PPM1A: variants seen among roughly 807,000 people sequenced by gnomAD.
PPM1A encodes the protein protein phosphatase 1A.
In PPM1A, 7 loss-of-function variants were observed where a neutral mutation model predicts 35.0. The observed-to-expected ratio is 0.20, with a 90% CI of 0.11 to 0.38. The LOEUF is 0.38. Among genes scored for constraint, PPM1A ranks in the 10% least tolerant of loss-of-function variants. The pLI, the probability that PPM1A is intolerant of heterozygous loss-of-function variation, is 1.00. For synonymous variants in PPM1A, 153 were observed against 167.3 expected (o/e 0.91, Z 0.66); for missense variants, 239 against 467.8 (o/e 0.51, Z 4.51).
upstream of PPM1A, among the ~76,000 whole-genome samples, chr14:60,248,977 G>C (rs979098826): frequency 1.3e-5 from 2 of 152,136 alleles, no homozygotes; most frequent in Non-Finnish European, 2.9e-5. Context: ...GCTCCAGGCC[G>C]TAAGGCAAAG....
chr14:60,245,829 AG>A, upstream of PPM1A: 1 of 1,560,806 alleles, frequency 6.4e-7, no homozygotes. The surrounding 1 kb of genome is among the most constrained non-coding windows in gnomAD (Gnocchi z 4.2). Flanking sequence ...AAATTCATTT[AG>A]GGGCACTGTC....
upstream of PPM1A, among the ~76,000 whole-genome samples, chr14:60,247,625 C>A (rs895244752): frequency 2.8e-5 from 2 of 71,764 alleles, no homozygotes; most frequent in Admixed American, 1.8e-4. Context: ...GAGACTCTGT[C>A]TCAAAAAAAA....
chr14:60,254,930 C>G (rs1882877601), intron 1 of PPM1A, among the ~76,000 whole-genome samples: 1 of 152,164 alleles, frequency 6.6e-6, no homozygotes, highest in Non-Finnish European at 1.5e-5. Context: ...TATAACCAAA[C>G]TAGTACACTT....
intron 1 of PPM1A, among the ~76,000 whole-genome samples, chr14:60,278,166 T>C (rs1227209010): frequency 1.3e-5 from 2 of 152,196 alleles, no homozygotes; most frequent in Non-Finnish European, 2.9e-5. Flanking sequence ...CTACCTGTTA[T>C]CTCATGTAGT....
At position 60,289,242 on chromosome 14, in the gene PPM1A, GA is replaced by G. The variant is rs1887363838; in HGVS notation, c.953-562del. Among the ~76,000 whole-genome samples, 2 of 152,128 alleles carry G rather than the reference GA, an allele frequency of 1.3e-5. No individual in the cohort carries two copies. The highest frequency in any genetic ancestry group is 4.2e-4 in the South Asian group (2 of 4,816). ...TATTGTTTAAAGGTACTTTAGAGAAGAATTAAACTGAGACAGTGATGTTCAA... is the reference window on the plus strand; with the variant it reads ...TATTGTTTAAAGGTACTTTAGAGAAGATTAAACTGAGACAGTGATGTTCAA... On this transcript the variant is annotated intron_variant, in intron 3 of 5. Coordinates refer to ENST00000395076, the MANE Select transcript of PPM1A (RefSeq NM_021003.5). This position sits in a 1 kb window ranked among gnomAD's most constrained non-coding sequence, Gnocchi z 4.1.
intron 1 of PPM1A, among the ~76,000 whole-genome samples, chr14:60,261,813 C>A (rs1001225161): frequency 3.3e-5 from 5 of 152,042 alleles, no homozygotes; most frequent in Admixed American, 3.3e-4. Flanking sequence ...AGAATTGTTC[C>A]TGAGATTTTA....
At chr14:60,248,332 T>C (rs553091602), upstream of PPM1A, among the ~76,000 whole-genome samples, 8 of 152,356 alleles carry the variant, frequency 5.3e-5, no homozygotes, top group Admixed American at 2.6e-4. Context: ...ACCTACCTCA[T>C]TGGAGGTCGT....
chr14:60,255,461 G>A (rs1285389759), intron 1 of PPM1A, among the ~76,000 whole-genome samples: 2 of 152,044 alleles, frequency 1.3e-5, no homozygotes, highest in East Asian at 1.9e-4. Flanking sequence ...GTGAGCCACC[G>A]CGCCCGGCCT....
upstream of PPM1A, chr14:60,249,178 G>C: frequency 2.1e-6 from 2 of 956,872 alleles, no homozygotes; most frequent in African/African-American, 1.8e-5. The surrounding 1 kb of genome is among the most constrained non-coding windows in gnomAD (Gnocchi z 4.5). Flanking sequence ...AGGGGTGGGG[G>C]AGGGGCGACG....
At chr14:60,287,138 C>T in intron 3 of PPM1A, 2 of 943,030 alleles carry the variant, frequency 2.1e-6, no homozygotes, top group Non-Finnish European at 2.5e-6. Flanking sequence ...AATATTTTTA[C>T]TATGAAATGG....
At chr14:60,259,761 T>C (rs1025722071) in intron 1 of PPM1A, among the ~76,000 whole-genome samples, 1 of 152,106 alleles carries the variant, frequency 6.6e-6, no homozygotes, top group African/African-American at 2.4e-5. Flanking sequence ...TGTACTATAA[T>C]TGTAGTGAAA....
intron 1 of PPM1A, among the ~76,000 whole-genome samples, chr14:60,256,102 C>T (rs1473378669): frequency 1.3e-5 from 2 of 152,172 alleles, no homozygotes; most frequent in Non-Finnish European, 2.9e-5. Flanking sequence ...TCAAGCTTAT[C>T]AAAATGCTAG....
intron 1 of PPM1A, among the ~76,000 whole-genome samples, chr14:60,265,367 G>C (rs1482603402): frequency 6.6e-6 from 1 of 152,128 alleles, no homozygotes; most frequent in Non-Finnish European, 1.5e-5. Flanking sequence ...CCATGCATGG[G>C]TACCTTTTTA....
At chr14:60,272,277 A>G (rs1885220473) in intron 1 of PPM1A, among the ~76,000 whole-genome samples, 2 of 152,080 alleles carry the variant, frequency 1.3e-5, no homozygotes, top group African/African-American at 4.8e-5. Context: ...GTTTTGAAAT[A>G]TAATGAGTAG....
chr14:60,287,254 A>T (rs1887114446), intron 3 of PPM1A: 1 of 964,638 alleles, frequency 1.0e-6, no homozygotes, highest in Non-Finnish European at 1.2e-6. Context: ...TTACAATAAT[A>T]AGTTTTATAT....
chr14:60,264,599 A>G (rs1452166655), intron 1 of PPM1A, among the ~76,000 whole-genome samples: 1 of 152,190 alleles, frequency 6.6e-6, no homozygotes, highest in African/African-American at 2.4e-5. Context: ...CCTCTTTGAA[A>G]TACATTGTTG....
At chr14:60,268,855 C>T (rs1426553188) in intron 1 of PPM1A, among the ~76,000 whole-genome samples, 1 of 151,292 alleles carries the variant, frequency 6.6e-6, no homozygotes, top group Non-Finnish European at 1.5e-5. Flanking sequence ...GCAATTTCCA[C>T]GTTTGAGGTT....
At chr14:60,275,279 T>C (rs1885620423) in intron 1 of PPM1A, among the ~76,000 whole-genome samples, 1 of 151,876 alleles carries the variant, frequency 6.6e-6, no homozygotes, top group African/African-American at 2.4e-5. Flanking sequence ...ATAGCACATG[T>C]AGGAGAATTG....
At chr14:60,255,555 T>C (rs1333237036) in intron 1 of PPM1A, among the ~76,000 whole-genome samples, 1 of 152,230 alleles carries the variant, frequency 6.6e-6, no homozygotes, top group Non-Finnish European at 1.5e-5. Context: ...ATTTTTACTT[T>C]ACACAAAGGC....
Sources: gnomAD v4.1 joint callset for allele counts (sites outside exome capture counted in the v4.1 genomes callset) on GRCh38, gnomAD v4.1.1 for gene constraint, Gnocchi (gnomAD v3.1) non-coding constraint, MANE v1.5 for transcripts, NCBI Gene and HGNC (gene_info 2026-07-23, HGNC 2026-07-21) for gene names.